The following EHBP1 variants were observed in gnomAD, a reference collection of about 807,000 sequenced individuals.
EHBP1 encodes the protein EH domain binding protein 1, also known as EH domain-binding protein 1.
In EHBP1, 55 loss-of-function variants were observed where a neutral mutation model predicts 144.0. That is an observed-to-expected ratio of 0.38 (90% CI 0.31 to 0.48). EHBP1 has a LOEUF of 0.48. Ranked by LOEUF, EHBP1 falls within the 20% of genes least tolerant of loss-of-function variation. The probability of loss-of-function intolerance (pLI) is 0.98; values close to 1 mark genes in which losing one functional copy is unlikely to be tolerated. For synonymous variants in EHBP1, 469 were observed against 472.7 expected, an observed-to-expected ratio of 0.99 and a Z score of 0.10; for missense variants, 1,200 against 1,364.2, an observed-to-expected ratio of 0.88 and a Z score of 1.90.
At chr2:62,788,293 C>T (rs2042947558) in intron 5 of EHBP1, among the ~76,000 whole-genome samples, 1 of 151,942 alleles carries the variant, frequency 6.6e-6, no homozygotes, top group South Asian at 2.1e-4. Context: ...TTAAATCACC[C>T]AACTTCTGCC....
chr2:62,774,498 A>G (rs1011267080), intron 5 of EHBP1, among the ~76,000 whole-genome samples: 2 of 152,194 alleles, frequency 1.3e-5, no homozygotes, highest in Non-Finnish European at 2.9e-5. Context: ...GCTTTACTTG[A>G]CATAATCTAA....
intron 20 of EHBP1, 114 bp from the exon 21 acceptor site, chr2:63,038,629 A>C: frequency 1.1e-6 from 1 of 890,824 alleles, no homozygotes; most frequent in South Asian, 1.5e-5. Flanking sequence ...GAGTGGCTTA[A>C]ACTTAAAGAG....
intron 10 of EHBP1, among the ~76,000 whole-genome samples, chr2:62,910,705 G>A (rs750956915): frequency 4.6e-5 from 7 of 152,092 alleles, no homozygotes; most frequent in Non-Finnish European, 7.4e-5. Flanking sequence ...AACCTCTTTG[G>A]TTTAATCTCA....
Position 62,681,341 on chromosome 2 carries a change from T to TAC in EHBP1, c.-296+7259_-296+7260insCA, listed in dbSNP as rs1491393000. On this transcript the variant is annotated intron_variant, in intron 1 of 22. Coordinates refer to the EHBP1 transcript ENST00000405015. ...ATATATTTGTATGTATGTGTGTGTG[T>TAC]ATATATATATATATATATAATGTGT... 1.5e-3 allele frequency among the ~76,000 whole-genome samples: 72 copies of TAC among 46,874 alleles called. 2 individuals are homozygous for TAC. Among genetic ancestry groups the TAC allele is most frequent in the African/African-American group, 6.5e-3 (63 of 9,664 alleles). 30.8% of individuals were successfully genotyped at this position (46,874 alleles called of 152,430 possible). A position where few individuals can be genotyped will look rare whatever the true frequency, so the allele number is the denominator to read the frequency against.
rs779480677 is a variant in EHBP1 at position 62,719,323 on chromosome 2, G to A, written c.104+12028G>A. Reference sequence around the variant, plus strand: ...CTTCTTAAGTACTTGCATTATAATTGTACTTCTAGACAACATCACTAGTAG... The same window carrying A: ...CTTCTTAAGTACTTGCATTATAATTATACTTCTAGACAACATCACTAGTAG... On this transcript the variant is annotated intron_variant, in intron 2 of 22. Coordinates refer to ENST00000431489, the MANE Select transcript of EHBP1 (RefSeq NM_001142616.3). Among the ~76,000 whole-genome samples the A allele has an allele frequency of 5.9e-5, 9 of 151,994 alleles. No individual in the cohort carries two copies. In the East Asian group the frequency reaches 9.7e-4, roughly 16 times the overall value.
chr2:62,787,408 C>A (rs928269423), intron 5 of EHBP1, among the ~76,000 whole-genome samples: 1 of 125,992 alleles, frequency 7.9e-6, no homozygotes, highest in Non-Finnish European at 1.7e-5. Flanking sequence ...CCCCCCCCCA[C>A]CCCCTTGCTC....
Position 62,996,624 on chromosome 2 carries a change from T to C in EHBP1, c.2980-19T>C, listed in dbSNP as rs750706262. ...TTACAAGTGATTTTTTTTTCCTTCC[T>C]GTTTGTTCTTGTTAACAGAAAGGGT... On this transcript the variant is annotated intron_variant, in intron 18 of 22. Transcript: ENST00000431489. 3.1e-6 allele frequency: 5 copies of C among 1,612,664 alleles called. No homozygotes were observed. Among genetic ancestry groups the C allele is most frequent in the Non-Finnish European group, 4.2e-6 (5 of 1,179,240 alleles).
intron 9 of EHBP1, among the ~76,000 whole-genome samples, chr2:62,873,337 A>C (rs1368665832): frequency 6.6e-6 from 1 of 152,192 alleles, no homozygotes. Context: ...ATATGAAGAA[A>C]TGTACTTATT....
intron 9 of EHBP1, 128 bp from the exon 10 acceptor site, chr2:62,874,218 C>T (rs2050701278): frequency 1.6e-6 from 1 of 608,042 alleles, no homozygotes; most frequent in Non-Finnish European, 2.7e-6. Flanking sequence ...TTTCCAAATT[C>T]CAGGTTATCA....
chr2:62,837,336 G>A lies in EHBP1; in HGVS notation c.634+6178G>A, dbSNP rs1317828632. Among the ~76,000 whole-genome samples, 305 of 145,202 alleles carry A rather than the reference G, an allele frequency of 2.1e-3. 2 individuals carry two copies. The highest frequency in any genetic ancestry group is 7.3e-3 in the African/African-American group (284 of 39,048). ...GCCTGCCCTAAAAGAGCTCCTGAAG[G>A]AAGTGCTAAACATGGAAAGGAACAA... On this transcript the variant is annotated intron_variant, in intron 7 of 22. Transcript: ENST00000431489.
At chr2:62,974,190 A>G (rs1193277161) in intron 14 of EHBP1, among the ~76,000 whole-genome samples, 1 of 152,010 alleles carries the variant, frequency 6.6e-6, no homozygotes, top group African/African-American at 2.4e-5. Flanking sequence ...CCCTACCACA[A>G]TATACACTTC....
chr2:63,044,947 G>A, intron 21 of EHBP1, 119 bp from the exon 22 acceptor site: 1 of 688,328 alleles, frequency 1.5e-6, no homozygotes, highest in African/African-American at 1.8e-5. Flanking sequence ...CTAGCTAGTG[G>A]CTCTATAATG....
chr2:62,864,410 A>G (rs1249504365), intron 8 of EHBP1, among the ~76,000 whole-genome samples: 1 of 152,208 alleles, frequency 6.6e-6, no homozygotes, highest in East Asian at 1.9e-4. Context: ...CATCTAAGAA[A>G]ACATTTTCAA....
At chr2:62,904,270 C>T (rs1322332628) in intron 10 of EHBP1, among the ~76,000 whole-genome samples, 4 of 152,144 alleles carry the variant, frequency 2.6e-5, no homozygotes, top group Non-Finnish European at 4.4e-5. Context: ...TGAAATACTC[C>T]GAGTACTTCC....
At chr2:62,754,635 T>C (rs1322246834) in intron 3 of EHBP1, among the ~76,000 whole-genome samples, 1 of 152,174 alleles carries the variant, frequency 6.6e-6, no homozygotes, top group East Asian at 1.9e-4. Flanking sequence ...TGCGGTGGGC[T>C]CCACCCAGTT....
intron 15 of EHBP1, among the ~76,000 whole-genome samples, chr2:62,990,253 G>A (rs549911189): frequency 6.6e-6 from 1 of 152,142 alleles, no homozygotes; most frequent in South Asian, 2.1e-4. Context: ...GTATGTACAT[G>A]ATGATGATCT....
At chr2:62,906,338 T>C (rs976264363) in intron 10 of EHBP1, among the ~76,000 whole-genome samples, 1 of 152,208 alleles carries the variant, frequency 6.6e-6, no homozygotes, top group Non-Finnish European at 1.5e-5. Context: ...TATCACACTA[T>C]CTTCATTCCT....
chr2:62,847,106 C>T (rs1279470493), intron 7 of EHBP1, among the ~76,000 whole-genome samples: 1 of 152,164 alleles, frequency 6.6e-6, no homozygotes, highest in Non-Finnish European at 1.5e-5. Flanking sequence ...AAGATAGTGT[C>T]AAATTGGCAT....
At chr2:62,928,840 CAAA>C (rs760426482) in intron 10 of EHBP1, among the ~76,000 whole-genome samples, 4 of 65,242 alleles carry the variant, frequency 6.1e-5, no homozygotes, top group Non-Finnish European at 7.2e-5. Flanking sequence ...AGACTAAGAA[CAAA>C]AAAAAAAAAA....
Sources: gnomAD v4.1 joint callset for allele counts (sites outside exome capture counted in the v4.1 genomes callset) on GRCh38, gnomAD v4.1.1 for gene constraint, MANE v1.5 for transcripts, NCBI Gene and HGNC (gene_info 2026-07-23, HGNC 2026-07-21) for gene names.